ADD1: variants seen among roughly 807,000 people sequenced by gnomAD.
The protein encoded by ADD1 is alpha-adducin.
Under a neutral mutation model 80.5 loss-of-function variants are expected in ADD1, and 24 were observed. That is an observed-to-expected ratio of 0.30 (90% CI 0.22 to 0.42). ADD1 has a LOEUF of 0.42. Among genes scored for constraint, ADD1 ranks in the 10% least tolerant of loss-of-function variants. ADD1 has a pLI of 1.00. For missense variants in ADD1, 948 were observed against 1,019.0 expected, an observed-to-expected ratio of 0.93 and a Z score of 0.95; for synonymous variants, 373 against 393.8, an observed-to-expected ratio of 0.95 and a Z score of 0.63.
intron 1 of ADD1, among the ~76,000 whole-genome samples, chr4:2,854,005 T>C (rs1463854110): frequency 6.6e-6 from 1 of 152,214 alleles, no homozygotes; most frequent in African/African-American, 2.4e-5. Flanking sequence ...ATGACATGAA[T>C]GTTTATAAAC....
intron 8 of ADD1, 141 bp from the exon 9 acceptor site, chr4:2,899,118 T>G: frequency 3.6e-6 from 3 of 844,136 alleles, no homozygotes; most frequent in Non-Finnish European, 5.5e-6. Context: ...TTGTGATCAG[T>G]CTGTCACTAT....
chr4:2,913,302 C>G (rs1738400595), intron 13 of ADD1, among the ~76,000 whole-genome samples: 1 of 152,246 alleles, frequency 6.6e-6, no homozygotes, highest in Non-Finnish European at 1.5e-5. Flanking sequence ...GGGATACCAT[C>G]TCTAGAGTGC....
Position 2,899,364 on chromosome 4 carries a change from A to G in ADD1, c.1090A>G (p.Thr364Ala), listed in dbSNP as rs535819835. ...CCCAGGGTCTCCGGTAGGGGAAGGC[A>G]CTGGATCGCCTCCCAAGTGGCAGAT... ...RSPGSPVGEG[T>A]GSPPKWQIGE... The change falls in exon 9 of 16, where the codon ACT becomes GCT. Residue 364 changes from threonine (T) to alanine (A), a missense_variant. By Grantham distance (58) the Thr-to-Ala change is moderately conservative. Transcript: ENST00000683351. The G allele has an allele frequency of 2.0e-5, 32 of 1,614,216 alleles. No individual in the cohort carries two copies. Among genetic ancestry groups the G allele is most frequent in the African/African-American group, 2.7e-5 (2 of 75,060 alleles).
intron 1 of ADD1, among the ~76,000 whole-genome samples, chr4:2,863,756 A>G (rs1011211449): frequency 4.0e-5 from 6 of 151,646 alleles, no homozygotes; most frequent in Non-Finnish European, 8.8e-5. Flanking sequence ...TTTCTAAGAG[A>G]TAGGGTCTCA....
intron 13 of ADD1, among the ~76,000 whole-genome samples, chr4:2,909,637 T>C (rs1156795379): frequency 6.6e-6 from 1 of 152,160 alleles, no homozygotes; most frequent in Non-Finnish European, 1.5e-5. Context: ...TGATAACAAT[T>C]TCCAGCATTC....
chr4:2,913,914 C>T (rs893257042), intron 13 of ADD1, among the ~76,000 whole-genome samples: 1 of 151,932 alleles, frequency 6.6e-6, no homozygotes, highest in African/African-American at 2.4e-5. Flanking sequence ...TCCAGGGTAG[C>T]CGGGCGTGGT....
intron 4 of ADD1, 119 bp from the exon 5 acceptor site, chr4:2,893,894 T>C: frequency 2.3e-6 from 2 of 858,456 alleles, no homozygotes; most frequent in Non-Finnish European, 3.9e-6. Flanking sequence ...GCATTGTGCA[T>C]GGACGCTTCC....
At chr4:2,856,453 T>C (rs1485906266) in intron 1 of ADD1, among the ~76,000 whole-genome samples, 1 of 152,160 alleles carries the variant, frequency 6.6e-6, no homozygotes, top group Non-Finnish European at 1.5e-5. Flanking sequence ...GGATTTATCT[T>C]TATTTATTTT....
intron 1 of ADD1, among the ~76,000 whole-genome samples, chr4:2,851,827 C>T (rs1355800014): frequency 1.3e-5 from 2 of 151,962 alleles, no homozygotes; most frequent in African/African-American, 2.4e-5. Flanking sequence ...CCCCACCATC[C>T]GGATACTCAG....
chr4:2,898,041 C>T (rs1432055550), intron 6 of ADD1, 143 bp from the exon 7 acceptor site: 9 of 1,133,470 alleles, frequency 7.9e-6, no homozygotes, highest in Non-Finnish European at 1.1e-5. Flanking sequence ...CCAAGTTTGT[C>T]TTAAGTTCAT....
Position 2,875,997 on chromosome 4 carries a change from G to T in ADD1, c.82G>T (p.Val28Leu), listed in dbSNP as rs769883303. The T allele has an allele frequency of 6.2e-7, 1 of 1,614,156 alleles. No individual in the cohort carries two copies. Reference sequence around the variant, plus strand: ...TCACAAGGAGAGGTACTTCGACCGAGTAGATGAGAACAACCCAGAGTACTT... The same window carrying T: ...TCACAAGGAGAGGTACTTCGACCGATTAGATGAGAACAACCCAGAGTACTT... ...APHKERYFDR[V>L]DENNPEYLRE... The change falls in exon 2 of 16, where the codon GTA becomes TTA. Residue 28 changes from valine to leucine, a missense_variant. Coordinates refer to ENST00000683351, the MANE Select transcript of ADD1 (RefSeq NM_001354761.2).
Position 2,909,380 on chromosome 4 carries a change from C to G in ADD1, c.1740C>G (p.Leu580=), listed in dbSNP as rs113301546. 1.3e-6 allele frequency: 2 copies of G among 1,550,438 alleles called. No individual in the cohort carries two copies. The highest frequency in any genetic ancestry group is 1.4e-5 in the African/African-American group (1 of 73,092). ...LSDCTETIEG[L]ELTEQTFSPA... is the part of the protein sequence containing the mutation. ...ACTGTACGGAAACTATCGAAGGGCT[C>G]GAGCTTACAGAGCAGACCTTTAGTC... The change falls in exon 13 of 16, where the codon CTC becomes CTG. Residue 580 remains leucine (L), a synonymous_variant. Transcript: ENST00000683351.
Position 2,914,790 on chromosome 4 carries a change from C to T in ADD1, c.1792-94C>T, listed in dbSNP as rs578072313. Reference sequence around the variant, plus strand: ...TCAGGGGTCTCTGCTCCTGGAAAGCCTCCTGCCCCCGCCCTGCCTGCAGCC... The same window carrying T: ...TCAGGGGTCTCTGCTCCTGGAAAGCTTCCTGCCCCCGCCCTGCCTGCAGCC... On this transcript the variant is annotated intron_variant, in intron 13 of 15. Transcript: ENST00000683351. 128 of 1,465,216 alleles carry T rather than the reference C, an allele frequency of 8.7e-5. 1 individual carries two copies. Among genetic ancestry groups the T allele is most frequent in the East Asian group, 4.9e-4 (21 of 42,860 alleles). The allele number at this position is 1,465,216 out of a possible 1,614,324, so 90.8% of individuals were successfully genotyped here. A position where few individuals can be genotyped will look rare whatever the true frequency, so the allele number is the denominator to read the frequency against.
intron 14 of ADD1, among the ~76,000 whole-genome samples, chr4:2,920,468 CTGTT>C (rs1194578451): frequency 6.6e-6 from 1 of 152,258 alleles, no homozygotes; most frequent in African/African-American, 2.4e-5. Context: ...GAGTCTGAGT[CTGTT>C]TGTAGGTCTC....
chr4:2,897,258 G>C (rs1735395851), intron 6 of ADD1, among the ~76,000 whole-genome samples: 2 of 151,886 alleles, frequency 1.3e-5, no homozygotes, highest in South Asian at 4.2e-4. Flanking sequence ...CTTGTCTTTA[G>C]AAGACCTTCA....
intron 1 of ADD1, among the ~76,000 whole-genome samples, chr4:2,849,736 G>A (rs2108778003): frequency 6.6e-6 from 1 of 152,310 alleles, no homozygotes; most frequent in Admixed American, 6.5e-5. Flanking sequence ...TCCCTCATCT[G>A]CACACTGTCG....
chr4:2,916,012 A>G (rs1411657344), intron 14 of ADD1, among the ~76,000 whole-genome samples: 1 of 152,012 alleles, frequency 6.6e-6, no homozygotes, highest in African/African-American at 2.4e-5. Flanking sequence ...CTGTGATGAG[A>G]GGAGACAGCA....
chr4:2,847,387 A>C (rs1726399380), intron 1 of ADD1, among the ~76,000 whole-genome samples: 1 of 136,586 alleles, frequency 7.3e-6, no homozygotes, highest in African/African-American at 2.8e-5. Flanking sequence ...CATTCTGGGC[A>C]ACAAAAGCGA....
chr4:2,879,804 T>TA (rs1731951827), intron 2 of ADD1, among the ~76,000 whole-genome samples: 1 of 152,160 alleles, frequency 6.6e-6, no homozygotes, highest in Admixed American at 6.5e-5. Context: ...AACCTCCTCC[T>TA]ACTGGCTTCA....
Sources: gnomAD v4.1 joint callset for allele counts (sites outside exome capture counted in the v4.1 genomes callset) on GRCh38, gnomAD v4.1.1 for gene constraint, MANE v1.5 for transcripts, NCBI Gene and HGNC (gene_info 2026-07-23, HGNC 2026-07-21) for gene names.